GLIPR1L1: variants seen among roughly 807,000 people sequenced by gnomAD.
GLIPR1L1 encodes GLIPR1 like 1, also known as GLIPR1-like protein 1.
A neutral mutation model predicts 29.9 loss-of-function variants in GLIPR1L1; 26 were observed. The observed-to-expected ratio is 0.87, with a 90% CI of 0.64 to 1.21. The LOEUF (loss-of-function observed/expected upper bound fraction) is 1.21, where lower values mean the gene tolerates loss of function less well. Among genes scored for constraint, GLIPR1L1 ranks in the 50% most tolerant of loss-of-function variants. The pLI is 0.00. For synonymous variants in GLIPR1L1, 77 were observed against 97.5 expected (o/e 0.79, Z 1.24); for missense variants, 305 against 290.3 (o/e 1.05, Z -0.37).
Position 75,334,722 on chromosome 12 carries a change from T to C in GLIPR1L1, c.-7T>C. 2 of 1,611,746 alleles carry C rather than the reference T, an allele frequency of 1.2e-6. No individual in the cohort carries two copies. The highest frequency in any genetic ancestry group is 8.5e-7 in the Non-Finnish European group (1 of 1,178,590). On this transcript the variant is annotated 5_prime_UTR_variant, in exon 1 of 6. Transcript: ENST00000378695. ...CAGGGCATCCTCCGCATCCTCCACA[T>C]CCTTCCATGGCTCTGAAGAATAAAT... is the stretch of plus-strand genomic sequence containing the variant.
At chr12:75,337,749 A>C (rs1410010708) in intron 1 of GLIPR1L1, among the ~76,000 whole-genome samples, 2 of 152,032 alleles carry the variant, frequency 1.3e-5, no homozygotes, top group Non-Finnish European at 2.9e-5. Context: ...GTGTCTTATA[A>C]AGTAACATTA....
chr12:75,369,998 A>C lies in GLIPR1L1; in HGVS notation c.637+12A>C. ...TATTATACCTAACCGTATGTATCAA[A>C]ATATTTTAGTATTAATTAAATTATT... On this transcript the variant is annotated intron_variant, in intron 5 of 5. Coordinates refer to ENST00000378695, the MANE Select transcript of GLIPR1L1 (RefSeq NM_001304964.2). 8.9e-7 allele frequency: 1 copy of C among 1,118,198 alleles called. No homozygotes were observed. Among genetic ancestry groups the C allele is most frequent in the Non-Finnish European group, 1.3e-6 (1 of 765,310 alleles). The allele number at this position is 1,118,198 out of a possible 1,614,324, so 69.3% of individuals were successfully genotyped here.
rs201262739 is a variant in GLIPR1L1 at position 75,363,202 on chromosome 12, T to A, written c.610+12T>A. Reference sequence around the variant, plus strand: ...AAAGAACCTCTGCAGTAAGCAAAAATATATATATATAATTACATTTAGAGA... The same window carrying A: ...AAAGAACCTCTGCAGTAAGCAAAAAAATATATATATAATTACATTTAGAGA... On this transcript the variant is annotated intron_variant, in intron 4 of 5. Transcript: ENST00000378695. 3.1e-4 allele frequency: 348 copies of A among 1,120,964 alleles called. 2 individuals are homozygous for A. The African/African-American group carries it at 3.3e-3, about 11-fold the overall frequency. The allele number at this position is 1,120,964 out of a possible 1,614,324, so 69.4% of individuals were successfully genotyped here.
intron 1 of GLIPR1L1, 47 bp from the exon 2 acceptor site, chr12:75,343,646 T>C: frequency 7.3e-7 from 1 of 1,373,258 alleles, no homozygotes; most frequent in Non-Finnish European, 9.9e-7. Context: ...AATAATTTAA[T>C]GCAAATACTT....
At chr12:75,358,774 TATATATA>T (rs1011668752) in intron 3 of GLIPR1L1, among the ~76,000 whole-genome samples, 6 of 144,274 alleles carry the variant, frequency 4.2e-5, no homozygotes, top group African/African-American at 1.3e-4. Flanking sequence ...TATGTTTAAA[TATATATA>T]ATATATAACA....
Position 75,344,064 on chromosome 12 carries a change from G to T in GLIPR1L1, c.420+126G>T. The T allele has an allele frequency of 4.4e-6, 3 of 682,144 alleles. 1 individual carries two copies. The highest frequency in any genetic ancestry group is 4.5e-5 in the South Asian group (2 of 44,430). The allele number at this position is 682,144 out of a possible 1,614,324, so 42.3% of individuals were successfully genotyped here. On this transcript the variant is annotated intron_variant, in intron 2 of 5. Transcript: ENST00000378695. ...CCTTTACATTTTTTCCTTTATCATA[G>T]GTCTTGAGCAATTTAATAATAATAT...
chr12:75,348,590 A>G (rs1386941954), intron 3 of GLIPR1L1, among the ~76,000 whole-genome samples: 1 of 152,224 alleles, frequency 6.6e-6, no homozygotes, highest in East Asian at 1.9e-4. Context: ...AAAGAGAATA[A>G]TAATAGGGGA....
chr12:75,366,998 C>T, intron 4 of GLIPR1L1: 1 of 701,616 alleles, frequency 1.4e-6, no homozygotes, highest in Non-Finnish European at 2.6e-6. Flanking sequence ...TGTCCTTTCT[C>T]TTCAGAGCTG....
intron 3 of GLIPR1L1, among the ~76,000 whole-genome samples, chr12:75,361,200 A>C (rs1318716846): frequency 6.7e-6 from 1 of 149,188 alleles, no homozygotes; most frequent in African/African-American, 2.6e-5. Context: ...TTGGTATGCC[A>C]AAAAAAATAA....
chr12:75,368,759 T>C (rs1240131925), intron 4 of GLIPR1L1, among the ~76,000 whole-genome samples: 1 of 152,020 alleles, frequency 6.6e-6, no homozygotes, highest in Non-Finnish European at 1.5e-5. Context: ...TTACAGTGTG[T>C]ATAAGATTCT....
At chr12:75,351,550 GT>G (rs1175807861) in intron 3 of GLIPR1L1, among the ~76,000 whole-genome samples, 2,580 of 131,012 alleles carry the variant, frequency 0.02, 57 homozygotes, top group African/African-American at 0.065. Context: ...GTTTTGTTTT[GT>G]TTTTTTTTTT....
At chr12:75,343,558 C>G (rs574576868) in intron 1 of GLIPR1L1, 135 bp from the exon 2 acceptor site, 112 of 685,326 alleles carry the variant, frequency 1.6e-4, no homozygotes, top group African/African-American at 1.1e-3. Context: ...TAACTATGCA[C>G]ATAATAAATA....
chr12:75,360,994 C>A (rs534164337), intron 3 of GLIPR1L1: 1 of 152,216 alleles, frequency 6.6e-6, no homozygotes, highest in East Asian at 1.9e-4. Context: ...GTCTCACAAC[C>A]AGGAAGAATT....
intron 4 of GLIPR1L1, among the ~76,000 whole-genome samples, chr12:75,365,915 C>A (rs1035917796): frequency 1.1e-4 from 17 of 152,192 alleles, no homozygotes; most frequent in African/African-American, 4.1e-4. Flanking sequence ...AAGCAAAGAT[C>A]ATTCTGTTTT....
chr12:75,361,286 G>T (rs780964182), intron 3 of GLIPR1L1, among the ~76,000 whole-genome samples: 10 of 152,150 alleles, frequency 6.6e-5, no homozygotes, highest in Admixed American at 2.0e-4. Context: ...GGAAAGGGTA[G>T]GTATATGTAA....
rs770077159 is a variant in GLIPR1L1, at chr12:75,370,109, G to A, written c.662G>A (p.Gly221Glu). 4.4e-6 allele frequency: 7 copies of A among 1,606,602 alleles called. No homozygotes were observed. The Admixed American group carries it at 1.0e-4, about 23-fold the overall frequency. The change falls in exon 6 of 6, where the codon GGG becomes GAG. Residue 221 changes from glycine to glutamate, a missense_variant. By Grantham distance (98) the Gly-to-Glu change is moderately conservative (BLOSUM62 -2). Transcript: ENST00000378695. The stretch of plus-strand genomic sequence containing the variant: ...GAAAATCCATTTCTGAAGCCAACGG[G>A]GAGAGCACCTCAGCAGACAGCCTTT... ...PNQNPFLKPTGRAPQQTAFNP... is the reference protein window; with the variant it reads ...PNQNPFLKPTERAPQQTAFNP...
chr12:75,358,964 C>T (rs1437938629), intron 3 of GLIPR1L1, among the ~76,000 whole-genome samples: 2 of 147,020 alleles, frequency 1.4e-5, no homozygotes, highest in Non-Finnish European at 3.0e-5. Context: ...TTAAAGACTG[C>T]ATAAAAAAGA....
chr12:75,347,105 C>T (rs980468832), intron 2 of GLIPR1L1, among the ~76,000 whole-genome samples: 2 of 151,598 alleles, frequency 1.3e-5, no homozygotes, highest in African/African-American at 2.4e-5. Context: ...ATCCTTACAG[C>T]AGGCATCTTT....
intron 1 of GLIPR1L1, among the ~76,000 whole-genome samples, chr12:75,336,205 T>C (rs2041726892): frequency 6.6e-6 from 1 of 151,846 alleles, no homozygotes; most frequent in Non-Finnish European, 1.5e-5. Flanking sequence ...CCATTAAAAA[T>C]ATACAAAGAA....
Sources: allele counts gnomAD v4.1 joint callset (sites outside exome capture counted in the v4.1 genomes callset), GRCh38; gene constraint gnomAD v4.1.1; transcripts MANE v1.5; gene names NCBI Gene and HGNC (gene_info 2026-07-23, HGNC 2026-07-21).